The following L2HGDH variants were observed in gnomAD, a reference collection of about 807,000 sequenced individuals.
L2HGDH encodes L-2-hydroxyglutarate dehydrogenase, mitochondrial.
Under a neutral mutation model 51.5 loss-of-function variants are expected in L2HGDH, and 34 were observed. The observed-to-expected ratio is 0.66, with a 90% CI of 0.50 to 0.88. The LOEUF is 0.88. L2HGDH is among the 40% of genes least tolerant of loss of function. The pLI is 0.00. For synonymous variants in L2HGDH, 198 were observed against 197.9 expected (o/e 1.00, Z -0.01); for missense variants, 558 against 571.9 (o/e 0.98, Z 0.25).
At chr14:50,311,660 G>A (rs1376531573) in intron 1 of L2HGDH, among the ~76,000 whole-genome samples, 2 of 152,182 alleles carry the variant, frequency 1.3e-5, no homozygotes, top group Non-Finnish European at 2.9e-5. Context: ...TGTGTGCTAG[G>A]TCCTTTTATC....
intron 9 of L2HGDH, among the ~76,000 whole-genome samples, chr14:50,255,004 C>T (rs1369506281): frequency 1.3e-5 from 2 of 152,048 alleles, no homozygotes; most frequent in African/African-American, 2.4e-5. Context: ...GCTGTGATCA[C>T]ACCACTGCAC....
At chr14:50,270,021 G>A (rs1291768053) in intron 6 of L2HGDH, among the ~76,000 whole-genome samples, 1 of 151,982 alleles carries the variant, frequency 6.6e-6, no homozygotes, top group Non-Finnish European at 1.5e-5. Context: ...GTTACTCTTC[G>A]GTTGCTTCAC....
At chr14:50,255,537 C>CA (rs371804551) in intron 9 of L2HGDH, among the ~76,000 whole-genome samples, 64,269 of 114,678 alleles carry the variant, frequency 0.56, 18,890 homozygotes, top group African/African-American at 0.72. Context: ...ACTCCATCTC[C>CA]AAAAAAAAAA....
intron 4 of L2HGDH, 92 bp from the exon 5 acceptor site, chr14:50,284,125 A>G: frequency 7.8e-7 from 1 of 1,286,582 alleles, no homozygotes; most frequent in Non-Finnish European, 1.1e-6. Flanking sequence ...TTTGTCCTTT[A>G]GAGGAGTTGA....
chr14:50,259,377 T>C (rs1434692667), intron 9 of L2HGDH, among the ~76,000 whole-genome samples: 1 of 148,406 alleles, frequency 6.7e-6, no homozygotes, highest in Non-Finnish European at 1.5e-5. Flanking sequence ...TTTTTTTTTT[T>C]TTTTTTTCAG....
rs138082725 is a variant in L2HGDH, at chr14:50,245,696, C to T, written c.*1362G>A. ...ATTTTCTTGTCTATGAGAGACCAAACGAGCTTAGGTAGCGTAATGCTAAAA... is the reference window on the plus strand; with the variant it reads ...ATTTTCTTGTCTATGAGAGACCAAATGAGCTTAGGTAGCGTAATGCTAAAA... On this transcript the variant is annotated 3_prime_UTR_variant, in exon 10 of 10. Transcript: ENST00000267436. 83 of 984,720 alleles carry T rather than the reference C, an allele frequency of 8.4e-5. No individual in the cohort carries two copies. The East Asian group carries it at 6.4e-3, about 75-fold the overall frequency. 61.0% of individuals were successfully genotyped at this position (984,720 alleles called of 1,614,324 possible).
chr14:50,308,094 T>C (rs902831656), intron 1 of L2HGDH, among the ~76,000 whole-genome samples: 10 of 152,126 alleles, frequency 6.6e-5, no homozygotes, highest in Admixed American at 5.2e-4. Context: ...AAACAAGCCA[T>C]TTAGAACGTA....
chr14:50,244,780 T>C lies in L2HGDH; in HGVS notation c.*2278A>G. 1.0e-6 allele frequency: 1 copy of C among 985,338 alleles called. No individual in the cohort carries two copies. The highest frequency in any genetic ancestry group is 6.1e-5 in the Admixed American group (1 of 16,276). The allele number at this position is 985,338 out of a possible 1,614,324, so 61.0% of individuals were successfully genotyped here. On this transcript the variant is annotated 3_prime_UTR_variant, in exon 10 of 10. Transcript: ENST00000267436. ...GGGGAAAAGGAAGAAAACAGAAACA[T>C]TTTTCCTATCAACCAAAATGCACAT...
At position 50,249,882 on chromosome 14, in the gene L2HGDH, C is replaced by CT. The variant is rs747924080; in HGVS notation, c.1197-2630dup. Among the ~76,000 whole-genome samples, 306 of 68,954 alleles carry CT rather than the reference C, an allele frequency of 4.4e-3. 34 individuals carry two copies. The highest frequency in any genetic ancestry group is 5.6e-3 in the Non-Finnish European group (214 of 38,220). 45.2% of individuals were successfully genotyped at this position (68,954 alleles called of 152,430 possible). ...GGTCCCCAAGTCAAGGCTTACACTC[C>CT]TTTTTTTTTTTTTTTTTTTTTTTTT... On this transcript the variant is annotated intron_variant, in intron 9 of 9. Coordinates refer to ENST00000267436, the MANE Select transcript of L2HGDH (RefSeq NM_024884.3).
At chr14:50,253,344 T>A (rs7152434) in intron 9 of L2HGDH, among the ~76,000 whole-genome samples, 48,694 of 151,680 alleles carry the variant, frequency 0.32, 8,203 homozygotes, top group Admixed American at 0.43. Flanking sequence ...AGGAAAAAAA[T>A]TTAATAATCC....
intron 3 of L2HGDH, among the ~76,000 whole-genome samples, chr14:50,298,682 C>G (rs2030224256): frequency 6.6e-6 from 1 of 152,012 alleles, no homozygotes; most frequent in Non-Finnish European, 1.5e-5. Context: ...GACAGAGACT[C>G]TATCTCAAAA....
chr14:50,285,056 G>T (rs1173281741), intron 4 of L2HGDH, among the ~76,000 whole-genome samples: 1 of 152,110 alleles, frequency 6.6e-6, no homozygotes, highest in Non-Finnish European at 1.5e-5. Context: ...GACCAGCCTG[G>T]CCAATTATGG....
chr14:50,276,594 G>T (rs1393739234), intron 6 of L2HGDH, among the ~76,000 whole-genome samples: 1 of 152,026 alleles, frequency 6.6e-6, no homozygotes, highest in African/African-American at 2.4e-5. Flanking sequence ...TAGGACTGGT[G>T]TCCTTATAAA....
At chr14:50,247,339 A>G (rs1219803074) in intron 9 of L2HGDH, 86 bp from the exon 10 acceptor site, 3 of 1,545,270 alleles carry the variant, frequency 1.9e-6, no homozygotes, top group Non-Finnish European at 2.6e-6. Flanking sequence ...TTAAAGCAAT[A>G]AAGTATTCTT....
chr14:50,310,184 T>C (rs2031008595), intron 1 of L2HGDH, among the ~76,000 whole-genome samples: 1 of 152,148 alleles, frequency 6.6e-6, no homozygotes, highest in Admixed American at 6.5e-5. Context: ...ATGTTTTCAT[T>C]GGGGTAAATG....
Position 50,246,914 on chromosome 14 carries a change from A to G in L2HGDH, c.*144T>C. ...ATTTTTGTAGAAAATTATTATTTCT[A>G]TGTTACATCATTTTAACAATGCAGT... is the stretch of plus-strand genomic sequence containing the variant. On this transcript the variant is annotated 3_prime_UTR_variant, in exon 10 of 10. Coordinates refer to ENST00000267436, the MANE Select transcript of L2HGDH (RefSeq NM_024884.3). 7.6e-7 allele frequency: 1 copy of G among 1,321,390 alleles called. No homozygotes were observed. Among genetic ancestry groups the G allele is most frequent in the Non-Finnish European group, 1.0e-6 (1 of 988,026 alleles). 81.9% of individuals were successfully genotyped at this position (1,321,390 alleles called of 1,614,324 possible).
intron 4 of L2HGDH, among the ~76,000 whole-genome samples, chr14:50,291,191 C>A (rs1218418006): frequency 8.6e-6 from 1 of 116,900 alleles, no homozygotes; most frequent in Non-Finnish European, 1.7e-5. Flanking sequence ...GACTGAGACT[C>A]CGTCTCAAAA....
chr14:50,253,643 A>G (rs1191662690), intron 9 of L2HGDH, among the ~76,000 whole-genome samples: 2 of 152,150 alleles, frequency 1.3e-5, no homozygotes, highest in African/African-American at 2.4e-5. Flanking sequence ...TCAAAAAGCT[A>G]AAGATAGAGT....
intron 4 of L2HGDH, chr14:50,293,340 T>C (rs114911148): frequency 4.3e-6 from 3 of 693,630 alleles, no homozygotes; most frequent in Non-Finnish European, 7.9e-6. Context: ...TAAAAATCAA[T>C]TCCAAATGGA....
Sources: gnomAD v4.1 joint callset for allele counts (sites outside exome capture counted in the v4.1 genomes callset) on GRCh38, gnomAD v4.1.1 for gene constraint, MANE v1.5 for transcripts, NCBI Gene and HGNC (gene_info 2026-07-23, HGNC 2026-07-21) for gene names.